CRYBA4: variants seen among roughly 807,000 people sequenced by gnomAD.
CRYBA4 encodes beta-crystallin A4.
In CRYBA4, 30 loss-of-function variants were observed where a neutral mutation model predicts 31.7. The ratio of observed to expected loss-of-function variants is 0.95; its 90% CI spans 0.71 to 1.28. The LOEUF is 1.28. CRYBA4 is among the 50% of genes most tolerant of loss of function. The pLI is 0.00. For synonymous variants in CRYBA4, 102 were observed against 102.3 expected, an observed-to-expected ratio of 1.00 and a Z score of 0.02; for missense variants, 225 against 260.7, an observed-to-expected ratio of 0.86 and a Z score of 0.94.
chr22:26,611,759 C>A, the CRYBA4 span, among the ~76,000 whole-genome samples: 1 of 152,136 alleles, frequency 6.6e-6, no homozygotes, highest in African/African-American at 2.4e-5. Flanking sequence ...CAGGCGTGAG[C>A]CACCGCGCCC....
At chr22:26,629,508 G>A (rs2145985444) in intron 5 of CRYBA4, among the ~76,000 whole-genome samples, 1 of 152,114 alleles carries the variant, frequency 6.6e-6, no homozygotes, top group South Asian at 2.1e-4. Flanking sequence ...TTGGGAGGCT[G>A]AGGTGGGCGG....
intron 3 of CRYBA4, among the ~76,000 whole-genome samples, chr22:26,624,951 C>T (rs757905394): frequency 6.6e-6 from 1 of 152,186 alleles, no homozygotes; most frequent in Non-Finnish European, 1.5e-5. Flanking sequence ...GTGGCAGCCT[C>T]CCACAAGAGA....
At chr22:26,619,826 C>T (rs748124486), upstream of CRYBA4, among the ~76,000 whole-genome samples, 5 of 152,196 alleles carry the variant, frequency 3.3e-5, no homozygotes, top group Non-Finnish European at 5.9e-5. Context: ...CCGTGCCCCC[C>T]CTAAAGCCCC....
the CRYBA4 span, among the ~76,000 whole-genome samples, chr22:26,610,967 G>A: frequency 6.6e-6 from 1 of 152,140 alleles, no homozygotes; most frequent in Non-Finnish European, 1.5e-5. Context: ...AAGAGCAAAC[G>A]AGCTGCGTGG....
the CRYBA4 span, among the ~76,000 whole-genome samples, chr22:26,590,755 C>G: frequency 1.3e-5 from 2 of 152,042 alleles, no homozygotes; most frequent in East Asian, 3.9e-4. Flanking sequence ...TTTCCACCCC[C>G]AGCCCTGCCA....
At chr22:26,598,367 C>T in the CRYBA4 span, among the ~76,000 whole-genome samples, 1 of 151,792 alleles carries the variant, frequency 6.6e-6, no homozygotes, top group Non-Finnish European at 1.5e-5. Context: ...CTCTCTTTCT[C>T]TTTCTCGCTC....
chr22:26,607,830 C>T, the CRYBA4 span: 1 of 1,612,746 alleles, frequency 6.2e-7, no homozygotes, highest in Admixed American at 1.7e-5. Context: ...AGATCTCAGA[C>T]TTACACCTGC....
At chr22:26,596,337 T>G in the CRYBA4 span, among the ~76,000 whole-genome samples, 16 of 152,254 alleles carry the variant, frequency 1.1e-4, 1 homozygote, top group Admixed American at 5.2e-4. Context: ...CCTTAAGTGA[T>G]CCACCTGCCT....
At chr22:26,591,187 A>G in the CRYBA4 span, among the ~76,000 whole-genome samples, 1 of 152,152 alleles carries the variant, frequency 6.6e-6, no homozygotes, top group African/African-American at 2.4e-5. Context: ...CCTGGCCAAA[A>G]TGGTGAAACC....
At chr22:26,605,598 A>T in the CRYBA4 span, among the ~76,000 whole-genome samples, 6 of 142,274 alleles carry the variant, frequency 4.2e-5, no homozygotes, top group African/African-American at 1.5e-4. Context: ...TGCTTGCCCC[A>T]GGGAGGTGAA....
chr22:26,592,343 TC>T, the CRYBA4 span, among the ~76,000 whole-genome samples: 2 of 152,192 alleles, frequency 1.3e-5, no homozygotes, highest in Non-Finnish European at 2.9e-5. Context: ...GGGACAAAGG[TC>T]CAAGTTGGGG....
the CRYBA4 span, among the ~76,000 whole-genome samples, chr22:26,608,943 C>A: frequency 1.3e-5 from 2 of 152,118 alleles, no homozygotes; most frequent in African/African-American, 4.8e-5. Context: ...ATTTTCCTGG[C>A]TTTCCCAGTG....
At chr22:26,623,024 A>G (rs781056771) in intron 2 of CRYBA4, among the ~76,000 whole-genome samples, 44 of 152,328 alleles carry the variant, frequency 2.9e-4, no homozygotes, top group Admixed American at 7.8e-4. Context: ...CTTGGCAACC[A>G]TTGGTGGCAC....
intron 4 of CRYBA4, among the ~76,000 whole-genome samples, chr22:26,626,328 C>T (rs901917240): frequency 2.0e-5 from 3 of 152,088 alleles, no homozygotes; most frequent in African/African-American, 4.8e-5. Context: ...CACTTGAACC[C>T]GGGAGACAGA....
chr22:26,616,227 T>G, the CRYBA4 span: 1 of 1,614,030 alleles, frequency 6.2e-7, no homozygotes, highest in Non-Finnish European at 8.5e-7. Flanking sequence ...GACTAGGGGA[T>G]GTTCCTGCAG....
chr22:26,591,655 C>T, the CRYBA4 span, among the ~76,000 whole-genome samples: 9 of 150,568 alleles, frequency 6.0e-5, no homozygotes, highest in East Asian at 1.2e-3. Flanking sequence ...GCAGAAGAAT[C>T]GCTTGAACCC....
chr22:26,604,070 C>T, the CRYBA4 span, among the ~76,000 whole-genome samples: 88 of 152,214 alleles, frequency 5.8e-4, no homozygotes, highest in Non-Finnish European at 8.4e-4. Context: ...GATCATCCAT[C>T]TTTTCAAAAG....
the CRYBA4 span, among the ~76,000 whole-genome samples, chr22:26,590,956 C>G: frequency 1.3e-5 from 2 of 152,194 alleles, no homozygotes; most frequent in East Asian, 3.8e-4. Context: ...GCATCGTATG[C>G]TTGTGCATTG....
At chr22:26,616,018 G>A in the CRYBA4 span, 1 of 800,274 alleles carries the variant, frequency 1.2e-6, no homozygotes, top group Admixed American at 1.9e-5. Flanking sequence ...CCAAGAAAAA[G>A]GAGGAGAAAG....
Sources: allele counts gnomAD v4.1 joint callset (sites outside exome capture counted in the v4.1 genomes callset), GRCh38; gene constraint gnomAD v4.1.1; transcripts MANE v1.5; gene names NCBI Gene and HGNC (gene_info 2026-07-23, HGNC 2026-07-21).